SLCO6A1: variants seen among roughly 807,000 people sequenced by gnomAD.
The protein encoded by SLCO6A1 is cancer/testis antigen 48.
Under a neutral mutation model 72.7 loss-of-function variants are expected in SLCO6A1, and 65 were observed. The ratio of observed to expected loss-of-function variants is 0.89; its 90% CI spans 0.73 to 1.10. The LOEUF is 1.10. SLCO6A1 is among the 50% of genes least tolerant of loss of function. SLCO6A1 has a pLI of 0.00. For missense variants in SLCO6A1, 874 were observed against 872.6 expected, an observed-to-expected ratio of 1.00 and a Z score of -0.02; for synonymous variants, 314 against 298.2, an observed-to-expected ratio of 1.05 and a Z score of -0.55.
chr5:102,446,312 T>G (rs957826371), intron 6 of SLCO6A1, among the ~76,000 whole-genome samples: 1 of 152,186 alleles, frequency 6.6e-6, no homozygotes, highest in Admixed American at 6.5e-5. Flanking sequence ...TATTCCTATA[T>G]TTTAGTCTTT....
chr5:102,424,338 T>G lies in SLCO6A1; in HGVS notation c.1277-4317A>C, dbSNP rs1197530711. On this transcript the variant is annotated intron_variant, in intron 7 of 13. Transcript: ENST00000506729. Reference sequence around the variant, plus strand: ...AAAAATCAATGAATCAAGGAGCTAGTTTTTTGAAAAGATTAACAAACTAGA... The same window carrying G: ...AAAAATCAATGAATCAAGGAGCTAGGTTTTTGAAAAGATTAACAAACTAGA... 2.6e-5 allele frequency among the ~76,000 whole-genome samples: 4 copies of G among 151,976 alleles called. No individual in the cohort carries two copies. In the East Asian group the frequency reaches 5.8e-4, roughly 22 times the overall value.
At chr5:102,394,427 A>G (rs987636000) in intron 10 of SLCO6A1, among the ~76,000 whole-genome samples, 2 of 152,104 alleles carry the variant, frequency 1.3e-5, no homozygotes, top group African/African-American at 2.4e-5. Context: ...TTATACTCCT[A>G]TCCTCTGTTT....
At chr5:102,393,755 C>T (rs1011855811) in intron 10 of SLCO6A1, among the ~76,000 whole-genome samples, 8 of 151,932 alleles carry the variant, frequency 5.3e-5, no homozygotes, top group African/African-American at 1.7e-4. Context: ...TATTTGAATC[C>T]ACAGTGACTA....
At chr5:102,374,962 A>G (rs1056448513) in intron 12 of SLCO6A1, among the ~76,000 whole-genome samples, 4 of 152,162 alleles carry the variant, frequency 2.6e-5, no homozygotes, top group Admixed American at 2.0e-4. Context: ...ATAGATTAAT[A>G]TCCAAGGCAG....
intron 12 of SLCO6A1, among the ~76,000 whole-genome samples, chr5:102,381,865 T>C (rs1273760000): frequency 6.6e-6 from 1 of 151,630 alleles, no homozygotes; most frequent in Non-Finnish European, 1.5e-5. Context: ...TTTTATGTCA[T>C]CTTTTAAGAA....
chr5:102,440,379 CAT>C (rs1561463445), intron 6 of SLCO6A1, among the ~76,000 whole-genome samples: 1 of 152,110 alleles, frequency 6.6e-6, no homozygotes, highest in East Asian at 1.9e-4. Flanking sequence ...GTGAACTGCA[CAT>C]GTGAGGGATT....
At chr5:102,386,566 C>G (rs1178642417) in intron 12 of SLCO6A1, among the ~76,000 whole-genome samples, 1 of 152,052 alleles carries the variant, frequency 6.6e-6, no homozygotes, top group Non-Finnish European at 1.5e-5. Context: ...AAGGGCTGGC[C>G]TGGAAGTTGG....
At chr5:102,398,304 A>C (rs1351523735) in intron 10 of SLCO6A1, among the ~76,000 whole-genome samples, 2 of 151,816 alleles carry the variant, frequency 1.3e-5, no homozygotes, top group African/African-American at 4.8e-5. Flanking sequence ...CAGCCTTCTG[A>C]GTAGCTGGGA....
At chr5:102,492,713 T>G (rs531797448) in intron 1 of SLCO6A1, among the ~76,000 whole-genome samples, 1 of 152,310 alleles carries the variant, frequency 6.6e-6, no homozygotes, top group Admixed American at 6.5e-5. Context: ...CCAATGGTCT[T>G]AGCAAAGAGC....
intron 1 of SLCO6A1, among the ~76,000 whole-genome samples, chr5:102,488,787 G>A (rs1752550817): frequency 6.6e-6 from 1 of 152,062 alleles, no homozygotes; most frequent in Non-Finnish European, 1.5e-5. Flanking sequence ...TCACATCAGA[G>A]AAAAAATTCT....
chr5:102,457,186 G>A (rs1355288063), intron 6 of SLCO6A1, among the ~76,000 whole-genome samples: 1 of 152,120 alleles, frequency 6.6e-6, no homozygotes, highest in Non-Finnish European at 1.5e-5. Context: ...CAGAACATAG[G>A]CATGGGCAAG....
chr5:102,391,700 G>A (rs879269388), intron 10 of SLCO6A1, among the ~76,000 whole-genome samples: 47 of 152,028 alleles, frequency 3.1e-4, no homozygotes, highest in African/African-American at 1.1e-3. Flanking sequence ...TATTATTTGG[G>A]ATTCCTTACA....
rs114116895 is a variant in SLCO6A1 at position 102,430,024 on chromosome 5, G to A, written c.1276+8593C>T. On this transcript the variant is annotated intron_variant, in intron 7 of 13. Transcript: ENST00000506729. ...TTATTGTAAAGATCTGTAAATTCCCGGGTTAGCTGCATTCCTAGGTATTTA... is the reference window on the plus strand; with the variant it reads ...TTATTGTAAAGATCTGTAAATTCCCAGGTTAGCTGCATTCCTAGGTATTTA... Among the ~76,000 whole-genome samples the A allele has an allele frequency of 8.4e-3, 1,263 of 149,884 alleles. 12 individuals are homozygous for A. Among genetic ancestry groups the A allele is most frequent in the Non-Finnish European group, 0.015 (1,009 of 66,492 alleles).
chr5:102,392,886 G>A (rs1746844527), intron 10 of SLCO6A1, among the ~76,000 whole-genome samples: 1 of 151,680 alleles, frequency 6.6e-6, no homozygotes, highest in South Asian at 2.1e-4. Flanking sequence ...CTAAATATAA[G>A]TTGCTGTCTT....
chr5:102,438,670 A>G lies in SLCO6A1; in HGVS notation c.1223T>C (p.Ile408Thr), dbSNP rs866170673. Residue 408 changes from isoleucine to threonine, a missense_variant, in exon 7 of 14, where the codon ATA becomes ACA. Ile to Thr is a moderately conservative substitution (Grantham distance 89). Transcript: ENST00000506729. ...TAATATAAACTGATTTTCTAAATAT[A>G]TAGGCAAAAATTCAGAAGCTCCAAT... ...VIIGASEFLP[I>T]YLENQFILTP... 6.3e-7 allele frequency: 1 copy of G among 1,599,586 alleles called. No homozygotes were observed. The highest frequency in any genetic ancestry group is 1.7e-5 in the Admixed American group (1 of 57,342).
rs1394092692 is a variant in SLCO6A1, at chr5:102,399,552, T to C, written c.1814+3A>G. 4 of 1,522,528 alleles carry C rather than the reference T, an allele frequency of 2.6e-6. No homozygotes were observed. Among genetic ancestry groups the C allele is most frequent in the Admixed American group, 1.9e-5 (1 of 51,520 alleles). 94.3% of individuals were successfully genotyped at this position (1,522,528 alleles called of 1,614,324 possible). On this transcript the variant is annotated splice_donor_region_variant and intron_variant, in intron 10 of 13. Transcript: ENST00000506729. ...ACAATAATAATGAGTAATATATACA[T>C]ACCGCGTCATGGCCAAGACGATTGG...
rs764978217 is a variant in SLCO6A1, at chr5:102,480,309, T to C, written c.484A>G (p.Ile162Val). The C allele has an allele frequency of 1.2e-6, 2 of 1,613,598 alleles. No homozygotes were observed. Among genetic ancestry groups the C allele is most frequent in the Non-Finnish European group, 1.7e-6 (2 of 1,179,740 alleles). ...DISSGLVAIF[I>V]AFYGDRKKVI... ...TTTTTTCTGTCTCCATAGAATGCTA[T>C]AAATATTGCTACCAGGCCAGATGAA... Residue 162 changes from isoleucine to valine, a missense_variant, in exon 2 of 14, where the codon ATA becomes GTA. Physicochemically the swap from Ile to Val is conservative, Grantham distance 29. Coordinates refer to ENST00000506729, the MANE Select transcript of SLCO6A1 (RefSeq NM_173488.5).
At chr5:102,375,274 C>T (rs1745716644) in intron 12 of SLCO6A1, among the ~76,000 whole-genome samples, 1 of 152,084 alleles carries the variant, frequency 6.6e-6, no homozygotes. Flanking sequence ...CATTCTAAAG[C>T]ACTACTATAA....
intron 7 of SLCO6A1, among the ~76,000 whole-genome samples, chr5:102,436,884 A>G (rs1388260877): frequency 6.6e-6 from 1 of 152,210 alleles, no homozygotes; most frequent in Non-Finnish European, 1.5e-5. Flanking sequence ...AACCAGCCTC[A>G]TAACTATTTG....
Sources: allele counts gnomAD v4.1 joint callset (sites outside exome capture counted in the v4.1 genomes callset), GRCh38; gene constraint gnomAD v4.1.1; transcripts MANE v1.5; gene names NCBI Gene and HGNC (gene_info 2026-07-23, HGNC 2026-07-21).